Variants in CCDC171 observed in about 807,000 individuals in gnomAD.
CCDC171 encodes coiled-coil domain-containing protein 171.
Under a neutral mutation model 168.2 loss-of-function variants are expected in CCDC171, and 177 were observed. The ratio of observed to expected loss-of-function variants is 1.05; its 90% CI spans 0.93 to 1.19. The LOEUF is 1.19. Ranked by LOEUF, CCDC171 falls within the 50% of genes most tolerant of loss-of-function variation. The pLI is 0.00. For missense variants in CCDC171, 1,991 were observed against 1,539.0 expected (o/e 1.29, Z -4.91); for synonymous variants, 687 against 540.8 (o/e 1.27, Z -3.75).
the CCDC171 span, among the ~76,000 whole-genome samples, chr9:16,094,893 T>G: frequency 6.6e-6 from 1 of 152,054 alleles, no homozygotes; most frequent in South Asian, 2.1e-4. Context: ...CTGATGGAGG[T>G]GATTGGATCC....
At chr9:15,739,994 A>G (rs1347811132) in intron 16 of CCDC171, among the ~76,000 whole-genome samples, 1 of 151,906 alleles carries the variant, frequency 6.6e-6, no homozygotes, top group Admixed American at 6.6e-5. Context: ...GCCTTGGCCT[A>G]CCAAAGTGCT....
At chr9:16,096,475 G>A in the CCDC171 span, among the ~76,000 whole-genome samples, 1 of 152,206 alleles carries the variant, frequency 6.6e-6, no homozygotes, top group African/African-American at 2.4e-5. Context: ...TGAGTTAAAA[G>A]AAAGCAAGCT....
At chr9:15,660,754 C>G (rs543980430) in intron 8 of CCDC171, among the ~76,000 whole-genome samples, 4 of 152,222 alleles carry the variant, frequency 2.6e-5, no homozygotes, top group African/African-American at 7.2e-5. Flanking sequence ...GATTCCATGT[C>G]TTTGCTATTG....
At chr9:15,687,367 G>T (rs1190450340) in intron 10 of CCDC171, among the ~76,000 whole-genome samples, 1 of 151,780 alleles carries the variant, frequency 6.6e-6, no homozygotes, top group Non-Finnish European at 1.5e-5. Context: ...TGAGGTGGGA[G>T]AAGTTTTTGA....
chr9:15,802,767 G>A (rs148285645), intron 21 of CCDC171, among the ~76,000 whole-genome samples: 3,769 of 152,102 alleles, frequency 0.025, 166 homozygotes, highest in African/African-American at 0.086. Flanking sequence ...CTTTGGGTAT[G>A]TACCCAGTAA....
At chr9:15,933,537 G>A (rs1015396383) in intron 25 of CCDC171, among the ~76,000 whole-genome samples, 2 of 151,662 alleles carry the variant, frequency 1.3e-5, no homozygotes, top group African/African-American at 4.8e-5. Context: ...TACCAATTCT[G>A]GGCTTAGTTT....
rs146937032 is a variant in CCDC171, at chr9:15,615,243, G to A, written c.676-8024G>A. ...TCAATCAATATAATTCTAACTCAAT[G>A]TAGTCAGTTAATTAATGTAATATAA... On this transcript the variant is annotated intron_variant, in intron 6 of 25. Coordinates refer to ENST00000380701, the MANE Select transcript of CCDC171 (RefSeq NM_173550.4). 1.7e-3 allele frequency among the ~76,000 whole-genome samples: 266 copies of A among 152,250 alleles called. 2 individuals are homozygous for A. Among genetic ancestry groups the A allele is most frequent in the African/African-American group, 6.0e-3 (249 of 41,570 alleles).
intron 6 of CCDC171, among the ~76,000 whole-genome samples, chr9:15,597,290 A>G (rs200228960): frequency 6.6e-6 from 1 of 151,992 alleles, no homozygotes; most frequent in African/African-American, 2.4e-5. Flanking sequence ...GTTTGTCATA[A>G]AGAGCTCTTA....
At chr9:15,642,856 C>G (rs2046750099) in intron 7 of CCDC171, among the ~76,000 whole-genome samples, 1 of 152,038 alleles carries the variant, frequency 6.6e-6, no homozygotes, top group Non-Finnish European at 1.5e-5. Context: ...GGAGTGAAAA[C>G]TAGATCATTA....
At chr9:15,963,326 T>C (rs1434176000) in intron 25 of CCDC171, among the ~76,000 whole-genome samples, 1 of 152,030 alleles carries the variant, frequency 6.6e-6, no homozygotes, top group African/African-American at 2.4e-5. Context: ...AAACTTAAAG[T>C]GTGTGAAAAA....
chr9:15,720,318 GA>G (rs1554776554), intron 11 of CCDC171, among the ~76,000 whole-genome samples: 1 of 152,028 alleles, frequency 6.6e-6, no homozygotes, highest in Non-Finnish European at 1.5e-5. Flanking sequence ...TAGAATATTT[GA>G]AGAATGGATA....
chr9:15,648,272 C>G (rs1564132515), intron 7 of CCDC171, among the ~76,000 whole-genome samples: 1 of 152,142 alleles, frequency 6.6e-6, no homozygotes, highest in Non-Finnish European at 1.5e-5. Context: ...CTATCTGTGA[C>G]AAACCCACAG....
At chr9:15,591,170 G>C (rs1312509206) in intron 4 of CCDC171, among the ~76,000 whole-genome samples, 196 bp from the exon 5 acceptor site, 2 of 152,080 alleles carry the variant, frequency 1.3e-5, no homozygotes, top group Non-Finnish European at 2.9e-5. Context: ...TTATAGAATA[G>C]ATTGATTTAG....
intron 4 of CCDC171, among the ~76,000 whole-genome samples, chr9:15,580,710 A>C (rs2041042285): frequency 6.6e-6 from 1 of 152,192 alleles, no homozygotes; most frequent in African/African-American, 2.4e-5. Context: ...GAATGGCCAT[A>C]ATTTAAAAAT....
intron 18 of CCDC171, among the ~76,000 whole-genome samples, chr9:15,765,580 G>A (rs2056677379): frequency 6.6e-6 from 1 of 152,162 alleles, no homozygotes. Flanking sequence ...TTTTCTGCTT[G>A]CTACTATTTA....
chr9:16,016,682 C>A (rs943657179), intron 3 of CCDC171, among the ~76,000 whole-genome samples: 5 of 152,144 alleles, frequency 3.3e-5, no homozygotes, highest in Non-Finnish European at 7.4e-5. Flanking sequence ...TTGGATTTCC[C>A]TAATACGAAA....
chr9:15,621,662 C>A (rs1006462595), intron 6 of CCDC171, among the ~76,000 whole-genome samples: 5 of 152,146 alleles, frequency 3.3e-5, no homozygotes, highest in Non-Finnish European at 7.3e-5. Context: ...GAAAAGGGAA[C>A]ACTTATGCAT....
At position 15,969,215 on chromosome 9, in the gene CCDC171, T is replaced by C. The variant is rs549381173; in HGVS notation, c.3754-2394T>C. On this transcript the variant is annotated intron_variant, in intron 25 of 25. Coordinates refer to ENST00000380701, the MANE Select transcript of CCDC171 (RefSeq NM_173550.4). ...GAAAGGGTGCTTTCAGACGACATAGTGGAAAGTAGACATATTAGAAAAAGT... is the reference window on the plus strand; with the variant it reads ...GAAAGGGTGCTTTCAGACGACATAGCGGAAAGTAGACATATTAGAAAAAGT... Among the ~76,000 whole-genome samples, 27 of 152,182 alleles carry C rather than the reference T, an allele frequency of 1.8e-4. 1 individual carries two copies. The Middle Eastern group carries it at 0.01, about 58-fold the overall frequency.
At chr9:16,030,552 T>G (rs976448315) in intron 6 of CCDC171, among the ~76,000 whole-genome samples, 1 of 152,178 alleles carries the variant, frequency 6.6e-6, no homozygotes, top group Admixed American at 6.5e-5. Context: ...TATGAACATT[T>G]GATATGCAAA....
Sources: gnomAD v4.1 joint callset for allele counts (sites outside exome capture counted in the v4.1 genomes callset) on GRCh38, gnomAD v4.1.1 for gene constraint, MANE v1.5 for transcripts, NCBI Gene and HGNC (gene_info 2026-07-23, HGNC 2026-07-21) for gene names.